AGAP1: variants seen among roughly 807,000 people sequenced by gnomAD.
The protein encoded by AGAP1 is arf-GAP with GTPase, ANK repeat and PH domain-containing protein 1.
In AGAP1, 29 loss-of-function variants were observed where a neutral mutation model predicts 105.3. The ratio of observed to expected loss-of-function variants is 0.28; its 90% CI spans 0.21 to 0.38. The LOEUF (loss-of-function observed/expected upper bound fraction) is 0.38. Ranked by LOEUF, AGAP1 falls within the 10% of genes least tolerant of loss-of-function variation. The pLI, the probability that AGAP1 is intolerant of heterozygous loss-of-function variation, is 1.00. For missense variants in AGAP1, 998 were observed against 1,165.1 expected, an observed-to-expected ratio of 0.86 and a Z score of 2.09; for synonymous variants, 509 against 485.9, an observed-to-expected ratio of 1.05 and a Z score of -0.63.
intron 1 of AGAP1, among the ~76,000 whole-genome samples, chr2:235,536,142 T>TAC (rs58090095): frequency 0.097 from 1,583 of 16,386 alleles, 202 homozygotes; most frequent in Middle Eastern, 0.12. Context: ...TGTGGCATCC[T>TAC]ACACACACAC....
In AGAP1 at chr2:235,862,797, G is replaced by A. The variant is rs1207305357; in HGVS notation, c.1051-20548G>A. 2.0e-5 allele frequency among the ~76,000 whole-genome samples: 3 copies of A among 152,272 alleles called. No individual in the cohort carries two copies. In the East Asian group the frequency reaches 5.8e-4, roughly 29 times the overall value. ...CGTAATAGATGTCAGGATCCTGAGG[G>A]CAGCCCTGGGTTGTTCTTTATGCCT... On this transcript the variant is annotated intron_variant, in intron 9 of 17. Coordinates refer to ENST00000304032, the MANE Select transcript of AGAP1 (RefSeq NM_001037131.3).
At chr2:235,832,500 C>T (rs765325357) in intron 9 of AGAP1, among the ~76,000 whole-genome samples, 1 of 152,234 alleles carries the variant, frequency 6.6e-6, no homozygotes, top group Non-Finnish European at 1.5e-5. Context: ...TGCTTAGGAG[C>T]ATATACAGTT....
At chr2:235,670,005 C>T (rs10201486) in intron 1 of AGAP1, 78,864 of 304,280 alleles carry the variant, frequency 0.26, 12,133 homozygotes, top group African/African-American at 0.45. Flanking sequence ...GGGGCGTGGG[C>T]CACACTCCCG....
intron 2 of AGAP1, 80 bp downstream of exon 2, chr2:235,709,317 T>G: frequency 1.3e-6 from 2 of 1,482,466 alleles, no homozygotes; most frequent in East Asian, 2.3e-5. Context: ...CCCAGGCAAC[T>G]GGTCATCGCC....
At chr2:235,539,472 C>T (rs750171646) in intron 1 of AGAP1, among the ~76,000 whole-genome samples, 1 of 152,192 alleles carries the variant, frequency 6.6e-6, no homozygotes, top group South Asian at 2.1e-4. Context: ...AGTTCTTGCT[C>T]CTTTTTAGGA....
In AGAP1 at chr2:236,005,468, T is replaced by TAG. The variant is rs777693021; in HGVS notation, c.1646-31092_1646-31091dup. ...TCCCCTGTTAATTTACCTCTTTCAT[T>TAG]AGTATGGTACATTTCTTAGAGTTCA... On this transcript the variant is annotated intron_variant, in intron 13 of 17. Coordinates refer to ENST00000304032, the MANE Select transcript of AGAP1 (RefSeq NM_001037131.3). This position sits in a 1 kb window ranked among gnomAD's most constrained non-coding sequence, Gnocchi z 4.1. 6.6e-6 allele frequency among the ~76,000 whole-genome samples: 1 copy of TAG among 152,174 alleles called. No homozygotes were observed. Among genetic ancestry groups the TAG allele is most frequent in the Non-Finnish European group, 1.5e-5 (1 of 68,036 alleles).
chr2:235,780,377 A>T (rs994464281), intron 6 of AGAP1, among the ~76,000 whole-genome samples: 1 of 152,154 alleles, frequency 6.6e-6, no homozygotes, highest in Admixed American at 6.5e-5. Context: ...TAATAAAGAC[A>T]GGTCATTACC....
At position 235,957,381 on chromosome 2, in the gene AGAP1, A is replaced by G. The variant is rs1044423403; in HGVS notation, c.1484-11081A>G. On this transcript the variant is annotated intron_variant, in intron 12 of 17. Transcript: ENST00000304032. This position sits in a 1 kb window ranked among gnomAD's most constrained non-coding sequence, Gnocchi z 4.6. ...TTGTATTCCTTTCCTCCCCGTTTTTATAACTCAGTCTAACACTGTGTTGTC... is the reference window on the plus strand; with the variant it reads ...TTGTATTCCTTTCCTCCCCGTTTTTGTAACTCAGTCTAACACTGTGTTGTC... Among the ~76,000 whole-genome samples the G allele has an allele frequency of 4.6e-5, 7 of 152,210 alleles. No homozygotes were observed. The East Asian group carries it at 1.2e-3, about 25-fold the overall frequency.
At chr2:236,110,812 G>A (rs1309970824) in intron 16 of AGAP1, among the ~76,000 whole-genome samples, 3 of 151,508 alleles carry the variant, frequency 2.0e-5, no homozygotes, top group Non-Finnish European at 4.4e-5. Context: ...GTCCTCTGGG[G>A]CTGCTATAAC....
chr2:236,130,122 G>A lies in AGAP1; in HGVS notation c.*6000G>A, dbSNP rs2060062944. Reference sequence around the variant, plus strand: ...CAGAGCTCAGGCCTAAGGCTGCTAGGTGAGACCAGCAGGCAGCTGTGGCAT... The same window carrying A: ...CAGAGCTCAGGCCTAAGGCTGCTAGATGAGACCAGCAGGCAGCTGTGGCAT... On this transcript the variant is annotated 3_prime_UTR_variant, in exon 18 of 18. Coordinates refer to ENST00000304032, the MANE Select transcript of AGAP1 (RefSeq NM_001037131.3). The surrounding 1 kb of genome is among the most constrained non-coding windows in gnomAD (Gnocchi z 5.8). 1 of 152,262 alleles carries A rather than the reference G, an allele frequency of 6.6e-6. No individual in the cohort carries two copies. The highest frequency in any genetic ancestry group is 6.5e-5 in the Admixed American group (1 of 15,280). The allele number at this position is 152,262 out of a possible 1,614,324, so 9.4% of individuals were successfully genotyped here.
At chr2:235,816,531 C>G (rs542076600) in intron 9 of AGAP1, among the ~76,000 whole-genome samples, 2 of 152,110 alleles carry the variant, frequency 1.3e-5, no homozygotes, top group Admixed American at 1.3e-4. Context: ...TTAAAATCCC[C>G]ACACGTGACA....
chr2:235,918,919 C>T (rs1447221793), intron 11 of AGAP1, among the ~76,000 whole-genome samples: 3 of 152,088 alleles, frequency 2.0e-5, no homozygotes, highest in South Asian at 4.2e-4. Flanking sequence ...CAACTTGATT[C>T]CTGATGATTT....
chr2:235,966,395 G>C (rs1303876271), intron 12 of AGAP1, among the ~76,000 whole-genome samples: 1 of 151,970 alleles, frequency 6.6e-6, no homozygotes. Context: ...GAGCCGTGAT[G>C]GTGGAGTCAC....
intron 1 of AGAP1, 105 bp from the exon 2 acceptor site, chr2:235,709,074 A>G (rs1471090816): frequency 3.7e-5 from 42 of 1,137,370 alleles, no homozygotes; most frequent in Non-Finnish European, 5.3e-5. Context: ...GCTTGTCTGC[A>G]CCATCTTCAG....
chr2:235,896,871 A>T (rs1486843742), intron 10 of AGAP1, among the ~76,000 whole-genome samples: 1 of 152,266 alleles, frequency 6.6e-6, no homozygotes, highest in African/African-American at 2.4e-5. Context: ...AGGACTCTGT[A>T]TCAAAGTCTA....
chr2:235,905,938 T>G lies in AGAP1; in HGVS notation c.1156-2800T>G, dbSNP rs537917563. 6.6e-6 allele frequency among the ~76,000 whole-genome samples: 1 copy of G among 152,362 alleles called. No individual in the cohort carries two copies. The highest frequency in any genetic ancestry group is 1.9e-4 in the East Asian group (1 of 5,186). ...TTCTTTCTGTCTTTGGTCTACATCC[T>G]CTCAAAGTTGATTATGTTTTGTGGA... On this transcript the variant is annotated intron_variant, in intron 10 of 17. Coordinates refer to ENST00000304032, the MANE Select transcript of AGAP1 (RefSeq NM_001037131.3). This position sits in a 1 kb window ranked among gnomAD's most constrained non-coding sequence, Gnocchi z 4.2.
At chr2:235,826,847 C>T (rs1959097825) in intron 9 of AGAP1, among the ~76,000 whole-genome samples, 2 of 152,326 alleles carry the variant, frequency 1.3e-5, no homozygotes, top group Non-Finnish European at 1.5e-5. Flanking sequence ...CTTTTCTCCA[C>T]AGAATGTTTC....
In AGAP1 at chr2:235,830,574, C is replaced by T. The variant is rs1336514313; in HGVS notation, c.1050+23243C>T. On this transcript the variant is annotated intron_variant, in intron 9 of 17. Transcript: ENST00000304032. The surrounding 1 kb of genome is among the most constrained non-coding windows in gnomAD (Gnocchi z 5.5). ...TCAGAAGTGTTGCATGCTGAGCACTCTTTGTGAGATACTTTGGGGGCTCAG... is the reference window on the plus strand; with the variant it reads ...TCAGAAGTGTTGCATGCTGAGCACTTTTTGTGAGATACTTTGGGGGCTCAG... Among the ~76,000 whole-genome samples the T allele has an allele frequency of 7.1e-6, 1 of 140,138 alleles. No individual in the cohort carries two copies. Among genetic ancestry groups the T allele is most frequent in the Non-Finnish European group, 1.5e-5 (1 of 66,570 alleles). 91.9% of individuals were successfully genotyped at this position (140,138 alleles called of 152,430 possible).
At chr2:235,804,184 G>C (rs534227270) in intron 8 of AGAP1, among the ~76,000 whole-genome samples, 21 of 152,226 alleles carry the variant, frequency 1.4e-4, no homozygotes, top group Non-Finnish European at 2.4e-4. Context: ...CCTGAATTTG[G>C]TCTATATTAT....
Sources: gnomAD v4.1 joint callset for allele counts (sites outside exome capture counted in the v4.1 genomes callset) on GRCh38, gnomAD v4.1.1 for gene constraint, Gnocchi (gnomAD v3.1) non-coding constraint, MANE v1.5 for transcripts, NCBI Gene and HGNC (gene_info 2026-07-23, HGNC 2026-07-21) for gene names.